Variants in AOPEP observed in about 807,000 individuals in gnomAD.
The protein encoded by AOPEP is aminopeptidase O.
Under a neutral mutation model 98.1 loss-of-function variants are expected in AOPEP, and 77 were observed. The ratio of observed to expected loss-of-function variants is 0.78; its 90% CI spans 0.65 to 0.95. AOPEP has a LOEUF of 0.95. Ranked by LOEUF, AOPEP falls within the 40% of genes least tolerant of loss-of-function variation. AOPEP has a pLI of 0.00. For synonymous variants in AOPEP, 346 were observed against 365.3 expected, an observed-to-expected ratio of 0.95 and a Z score of 0.60; for missense variants, 1,024 against 1,024.7, an observed-to-expected ratio of 1.00 and a Z score of 0.01.
chr9:94,858,093 A>C (rs569751728), intron 5 of AOPEP, among the ~76,000 whole-genome samples: 37 of 152,074 alleles, frequency 2.4e-4, no homozygotes, highest in South Asian at 8.3e-4. Flanking sequence ...GAAAAAAAAA[A>C]AAAACAAAAA....
At chr9:94,755,331 A>T (rs1005649823) in intron 1 of AOPEP, among the ~76,000 whole-genome samples, 1 of 152,230 alleles carries the variant, frequency 6.6e-6, no homozygotes, top group Non-Finnish European at 1.5e-5. Flanking sequence ...AGGTGGCCAC[A>T]TACATGCATT....
intron 5 of AOPEP, among the ~76,000 whole-genome samples, chr9:94,853,743 A>G (rs1263468942): frequency 1.3e-5 from 2 of 152,248 alleles, no homozygotes; most frequent in African/African-American, 4.8e-5. Context: ...TACAAGTCGC[A>G]CTACTATTGG....
chr9:95,126,138 G>T, the AOPEP span, among the ~76,000 whole-genome samples: 1 of 152,226 alleles, frequency 6.6e-6, no homozygotes. Flanking sequence ...TATTTTTCTT[G>T]GCTTTCTTTA....
At chr9:95,091,281 G>A (rs1197194740), downstream of AOPEP, among the ~76,000 whole-genome samples, 6 of 152,238 alleles carry the variant, frequency 3.9e-5, no homozygotes, top group East Asian at 1.2e-3. Flanking sequence ...TGGCAAGGCA[G>A]TCCCACCCGG....
intron 5 of AOPEP, chr9:94,904,144 C>T (rs547797883): frequency 6.6e-6 from 1 of 152,198 alleles, no homozygotes; most frequent in Non-Finnish European, 1.5e-5. Flanking sequence ...TAAATTAATC[C>T]CTCCAGAAGT....
intron 11 of AOPEP, 176 bp from the exon 12 acceptor site, chr9:95,004,958 AGGCCCCGCGCCCGCCGCCCGCGCC>A: frequency 6.9e-6 from 1 of 144,222 alleles, no homozygotes; most frequent in South Asian, 2.1e-4. Context: ...GCCGCCGCCC[AGGCCCCGCGCCCGCCGCCCGCGCC>A]GCGCCTGAGG....
chr9:94,746,380 A>G (rs779494248), intron 1 of AOPEP, among the ~76,000 whole-genome samples: 1 of 150,348 alleles, frequency 6.7e-6, no homozygotes, highest in South Asian at 2.1e-4. Flanking sequence ...GCATCATTTC[A>G]TTATCTGTAA....
At chr9:95,006,297 G>T in intron 13 of AOPEP, 1 of 316,356 alleles carries the variant, frequency 3.2e-6, no homozygotes, top group South Asian at 2.8e-5. Context: ...CAGCAGATAG[G>T]TTTTTTTGTT....
At chr9:95,117,227 T>C in the AOPEP span, 3 of 1,126,362 alleles carry the variant, frequency 2.7e-6, no homozygotes, top group Non-Finnish European at 2.7e-6. Flanking sequence ...CCTCATGCTG[T>C]AGATAAGGGC....
chr9:94,997,232 T>C (rs531239498), intron 11 of AOPEP, among the ~76,000 whole-genome samples: 1 of 152,320 alleles, frequency 6.6e-6, no homozygotes. Flanking sequence ...TTTGTGTGTG[T>C]GCTTAACTCA....
At chr9:94,821,495 G>A (rs1235625210) in intron 5 of AOPEP, among the ~76,000 whole-genome samples, 1 of 152,218 alleles carries the variant, frequency 6.6e-6, no homozygotes, top group Non-Finnish European at 1.5e-5. Flanking sequence ...AGCATGATTT[G>A]AATACAGAGA....
intron 5 of AOPEP, among the ~76,000 whole-genome samples, chr9:94,882,319 C>G (rs2047681252): frequency 6.6e-6 from 1 of 152,156 alleles, no homozygotes. Context: ...AAAATGTTTG[C>G]TTGCTTTTTG....
chr9:95,111,747 A>C, the AOPEP span: 7 of 1,229,612 alleles, frequency 5.7e-6, no homozygotes, highest in Admixed American at 1.3e-4. Context: ...GTACTTATCC[A>C]CTGAAGTGCA....
chr9:94,851,943 T>G (rs2043602427), intron 5 of AOPEP, among the ~76,000 whole-genome samples: 1 of 151,694 alleles, frequency 6.6e-6, no homozygotes, highest in Non-Finnish European at 1.5e-5. Flanking sequence ...GGAAGAGAGT[T>G]GCAGGAAGAG....
At chr9:95,039,330 G>A (rs1454780723) in intron 13 of AOPEP, among the ~76,000 whole-genome samples, 1 of 152,164 alleles carries the variant, frequency 6.6e-6, no homozygotes, top group Non-Finnish European at 1.5e-5. Context: ...ACTTTGGGAG[G>A]CTGAGGCGGG....
At chr9:95,042,079 G>A (rs1053079969) in intron 13 of AOPEP, among the ~76,000 whole-genome samples, 1 of 152,142 alleles carries the variant, frequency 6.6e-6, no homozygotes, top group South Asian at 2.1e-4. Flanking sequence ...TTGGGAGGCC[G>A]AGGCGGGCGG....
chr9:94,796,569 A>G (rs1477474818), intron 4 of AOPEP, among the ~76,000 whole-genome samples: 1 of 152,094 alleles, frequency 6.6e-6, no homozygotes, highest in Non-Finnish European at 1.5e-5. Flanking sequence ...TGTAAATCCA[A>G]CTTTCACAGG....
rs1056189176 is a variant in AOPEP, at chr9:94,972,810, G to A, written c.1916+5009G>A. ...AAAAAATTAGCCTGCATGGTGGTAC[G>A]TGTCTGTAGTCTCAGCTACTCGGGA... On this transcript the variant is annotated intron_variant, in intron 10 of 16. Coordinates refer to ENST00000375315, the MANE Select transcript of AOPEP (RefSeq NM_001193329.3). This position sits in a 1 kb window ranked among gnomAD's most constrained non-coding sequence, Gnocchi z 4.2. 2.0e-5 allele frequency among the ~76,000 whole-genome samples: 3 copies of A among 152,040 alleles called. No individual in the cohort carries two copies. The highest frequency in any genetic ancestry group is 6.6e-5 in the Admixed American group (1 of 15,254).
the AOPEP span, chr9:95,106,997 G>T: frequency 6.7e-7 from 1 of 1,495,526 alleles, no homozygotes; most frequent in East Asian, 2.3e-5. Flanking sequence ...CCAGACCCTC[G>T]GACAGGTAAC....
Sources: allele counts gnomAD v4.1 joint callset (sites outside exome capture counted in the v4.1 genomes callset), GRCh38; gene constraint gnomAD v4.1.1; non-coding constraint Gnocchi (gnomAD v3.1); transcripts MANE v1.5; gene names NCBI Gene and HGNC (gene_info 2026-07-23, HGNC 2026-07-21).